Variants in MAN2A1 observed in about 807,000 individuals in gnomAD.
MAN2A1 encodes alpha-mannosidase 2.
MAN2A1 carries 76 observed loss-of-function variants against 142.6 expected under a neutral mutation model. The ratio of observed to expected loss-of-function variants is 0.53; its 90% CI spans 0.44 to 0.65. MAN2A1 has a LOEUF of 0.65. Ranked by LOEUF, MAN2A1 falls within the 30% of genes least tolerant of loss-of-function variation. The pLI is 0.00. For synonymous variants in MAN2A1, 559 were observed against 473.2 expected (o/e 1.18, Z -2.35); for missense variants, 1,311 against 1,365.1 (o/e 0.96, Z 0.62).
intron 16 of MAN2A1, among the ~76,000 whole-genome samples, chr5:109,828,351 T>A (rs1754812925): frequency 1.3e-5 from 2 of 152,178 alleles, no homozygotes; most frequent in South Asian, 4.1e-4. Flanking sequence ...TACTTTAGCT[T>A]TTTTGGTTAA....
chr5:109,859,721 G>A (rs1755709862), intron 20 of MAN2A1, among the ~76,000 whole-genome samples: 1 of 152,164 alleles, frequency 6.6e-6, no homozygotes, highest in Admixed American at 6.5e-5. Context: ...AAGATGCAGG[G>A]AGGATCTCAT....
chr5:109,820,251 A>G lies in MAN2A1; in HGVS notation c.2360A>G (p.His787Arg), dbSNP rs749845970. The change falls in exon 15 of 22, where the codon CAT becomes CGT. Residue 787 changes from histidine to arginine, a missense_variant. This residue lies in a region of MAN2A1 where 890 missense variants were observed against 920.5 expected (regional missense o/e 0.97). Coordinates refer to ENST00000261483, the MANE Select transcript of MAN2A1 (RefSeq NM_002372.4). The stretch of plus-strand genomic sequence containing the variant: ...ATGACTAAAGAAGATGGTAAACACC[A>G]TGAAGTAAATGTGCAATTTTCATGG... ...QMMTKEDGKH[H>R]EVNVQFSWYG... The G allele has an allele frequency of 1.1e-5, 17 of 1,610,624 alleles. No individual in the cohort carries two copies. The highest frequency in any genetic ancestry group is 1.4e-5 in the Non-Finnish European group (17 of 1,177,468).
chr5:109,714,247 A>G (rs999644348), intron 2 of MAN2A1, among the ~76,000 whole-genome samples: 2 of 150,902 alleles, frequency 1.3e-5, no homozygotes, highest in East Asian at 1.9e-4. Flanking sequence ...ACTTTCCAGT[A>G]TGGAAGCCCC....
chr5:109,793,579 C>T (rs1390527448), intron 12 of MAN2A1, among the ~76,000 whole-genome samples: 4 of 151,988 alleles, frequency 2.6e-5, no homozygotes, highest in Non-Finnish European at 5.9e-5. Context: ...GGTTGGGTGC[C>T]AGAGTGCTTC....
At position 109,713,762 on chromosome 5, in the gene MAN2A1, T is replaced by G. The variant is rs1229536742; in HGVS notation, c.378T>G (p.Asn126Lys). The G allele has an allele frequency of 6.2e-7, 1 of 1,613,844 alleles. No homozygotes were observed. Among genetic ancestry groups the G allele is most frequent in the Non-Finnish European group, 8.5e-7 (1 of 1,179,902 alleles). Reference sequence around the variant, plus strand: ...TTGCTTCACAAAGTGGAAGTCACAATTCAGATGTGCAGGTAATGTATACAT... The same window carrying G: ...TTGCTTCACAAAGTGGAAGTCACAAGTCAGATGTGCAGGTAATGTATACAT... The part of the protein sequence containing the change: ...CLFASQSGSH[N>K]SDVQMLDVYS... Residue 126 changes from asparagine to lysine, a missense_variant, in exon 2 of 22, where the codon AAT becomes AAG. By Grantham distance (94) the Asn-to-Lys change is moderately conservative (BLOSUM62 0). Around this residue, in one of 3 missense-constraint regions of MAN2A1, gnomAD observed 409 missense variants for 412.7 expected, o/e 0.99. Coordinates refer to ENST00000261483, the MANE Select transcript of MAN2A1 (RefSeq NM_002372.4).
At chr5:109,733,588 T>C (rs1561484115) in intron 4 of MAN2A1, among the ~76,000 whole-genome samples, 1 of 152,206 alleles carries the variant, frequency 6.6e-6, no homozygotes, top group African/African-American at 2.4e-5. Context: ...TTGAATTTTG[T>C]CAAAGGCCTT....
In MAN2A1 at chr5:109,770,487, G is replaced by T. The variant is rs567677712; in HGVS notation, c.1142G>T (p.Gly381Val). The T allele has an allele frequency of 6.2e-7, 1 of 1,613,968 alleles. No individual in the cohort carries two copies. The highest frequency in any genetic ancestry group is 2.2e-5 in the East Asian group (1 of 44,854). Residue 381 changes from glycine to valine, a missense_variant, in exon 7 of 22, where the codon GGT (glycine) becomes GTT (valine). Physicochemically the swap from Gly to Val is moderately radical, Grantham distance 109. This residue lies in a region of MAN2A1 where 890 missense variants were observed against 920.5 expected (regional missense o/e 0.97). Coordinates refer to ENST00000261483, the MANE Select transcript of MAN2A1 (RefSeq NM_002372.4). The part of the protein sequence containing the change: ...DFKRLPGGRF[G>V]CPWGVPPETI... ...AAACGTCTTCCTGGAGGCAGATTTG[G>T]TTGTCCCTGGGGAGTCCCCCCAGAA...
intron 4 of MAN2A1, among the ~76,000 whole-genome samples, chr5:109,755,001 C>CAAAT (rs963390825): frequency 2.6e-5 from 4 of 152,228 alleles, no homozygotes; most frequent in East Asian, 1.9e-4. Context: ...AACTCTGTCT[C>CAAAT]AAATAAATAA....
chr5:109,738,272 T>C (rs1464214879), intron 4 of MAN2A1, among the ~76,000 whole-genome samples: 1 of 151,584 alleles, frequency 6.6e-6, no homozygotes, highest in Non-Finnish European at 1.5e-5. Flanking sequence ...CTGATCTTTG[T>C]TGGCTTCTGT....
intron 12 of MAN2A1, 45 bp downstream of exon 12, chr5:109,789,572 A>G (rs1753685840): frequency 2.2e-6 from 3 of 1,378,044 alleles, no homozygotes; most frequent in South Asian, 2.8e-5. Context: ...TTCTGGCTTA[A>G]TAGTTTTTGG....
rs35901259 is a variant in MAN2A1 at position 109,852,144 on chromosome 5, CAA to C, written c.2977-2984_2977-2983del. Among the ~76,000 whole-genome samples the C allele has an allele frequency of 1.7e-4, 25 of 143,580 alleles. No homozygotes were observed. In the East Asian group the frequency reaches 1.8e-3, roughly 10 times the overall value. The allele number at this position is 143,580 out of a possible 152,430, so 94.2% of individuals were successfully genotyped here. A position where few individuals can be genotyped will look rare whatever the true frequency, so the allele number is the denominator to read the frequency against. On this transcript the variant is annotated intron_variant, in intron 19 of 21. Coordinates refer to ENST00000261483, the MANE Select transcript of MAN2A1 (RefSeq NM_002372.4). ...TTTTATTAAAGAGTTGGCTTAAAAA[CAA>C]AAAAAAAAAAACATTTTAATACCAT...
At chr5:109,858,480 G>A (rs1755679460) in intron 20 of MAN2A1, among the ~76,000 whole-genome samples, 1 of 152,196 alleles carries the variant, frequency 6.6e-6, no homozygotes, top group Admixed American at 6.5e-5. Context: ...AAGTACAGAA[G>A]CCAGACCTAA....
At chr5:109,756,152 G>A (rs1200863964) in intron 5 of MAN2A1, among the ~76,000 whole-genome samples, 1 of 152,064 alleles carries the variant, frequency 6.6e-6, no homozygotes, top group Non-Finnish European at 1.5e-5. Context: ...AGCAGGGTCA[G>A]CTGCACCTAA....
At position 109,796,934 on chromosome 5, in the gene MAN2A1, A is replaced by C. The variant is rs74464178; in HGVS notation, c.1943+7407A>C. ...TCTCACTTGGTAGACTAGCAGCTCC[A>C]TGAGGGTAGAGAGCTTGTTTGGTTT... On this transcript the variant is annotated intron_variant, in intron 12 of 21. Transcript: ENST00000261483. 5.3e-4 allele frequency among the ~76,000 whole-genome samples: 81 copies of C among 152,298 alleles called. No homozygotes were observed. The East Asian group carries it at 0.013, about 25-fold the overall frequency.
At chr5:109,703,519 C>T (rs1304751025) in intron 1 of MAN2A1, among the ~76,000 whole-genome samples, 3 of 152,082 alleles carry the variant, frequency 2.0e-5, no homozygotes, top group Non-Finnish European at 4.4e-5. Flanking sequence ...GGGTGGGATA[C>T]ACTGTTGACA....
chr5:109,728,877 C>T (rs1262113498), intron 3 of MAN2A1, among the ~76,000 whole-genome samples: 3 of 152,072 alleles, frequency 2.0e-5, no homozygotes, highest in Non-Finnish European at 4.4e-5. Flanking sequence ...CTTGCAATCT[C>T]TTTTTTCTTA....
At chr5:109,788,015 G>C (rs1012290628) in intron 10 of MAN2A1, among the ~76,000 whole-genome samples, 1 of 151,740 alleles carries the variant, frequency 6.6e-6, no homozygotes, top group African/African-American at 2.4e-5. Flanking sequence ...CAAAAAAGAA[G>C]TTAACTTCTT....
intron 5 of MAN2A1, among the ~76,000 whole-genome samples, chr5:109,761,380 A>G (rs1752839642): frequency 6.6e-6 from 1 of 151,826 alleles, no homozygotes; most frequent in South Asian, 2.1e-4. Context: ...TGCTATTTAT[A>G]GTGTTTAGAA....
At chr5:109,720,706 A>G (rs1751577325) in intron 3 of MAN2A1, among the ~76,000 whole-genome samples, 1 of 152,200 alleles carries the variant, frequency 6.6e-6, no homozygotes, top group African/African-American at 2.4e-5. Flanking sequence ...ATTTCAAAAT[A>G]TTTTGAGAAA....
Sources: gnomAD v4.1 joint callset for allele counts (sites outside exome capture counted in the v4.1 genomes callset) on GRCh38, gnomAD v4.1.1 for gene constraint, gnomAD v4.1.1 regional missense constraint, MANE v1.5 for transcripts, NCBI Gene and HGNC (gene_info 2026-07-23, HGNC 2026-07-21) for gene names.